GABRB2: variants seen among roughly 807,000 people sequenced by gnomAD.
GABRB2 encodes gamma-aminobutyric acid type A receptor subunit beta2, also known as gamma-aminobutyric acid receptor subunit beta-2.
In GABRB2, 16 loss-of-function variants were observed where a neutral mutation model predicts 54.7. The observed-to-expected ratio is 0.29, with a 90% CI of 0.20 to 0.44. The LOEUF is 0.44. Ranked by LOEUF, GABRB2 falls within the 20% of genes least tolerant of loss-of-function variation. GABRB2 has a pLI of 1.00. For synonymous variants in GABRB2, 244 were observed against 233.8 expected (o/e 1.04, Z -0.40); for missense variants, 355 against 644.0 (o/e 0.55, Z 4.86).
intron 4 of GABRB2, among the ~76,000 whole-genome samples, chr5:161,448,958 T>C (rs959132499): frequency 6.6e-6 from 1 of 152,306 alleles, no homozygotes; most frequent in East Asian, 1.9e-4. Context: ...AGAGCCATAT[T>C]CATCCATTAA....
At chr5:161,411,348 A>G (rs1456241351) in intron 4 of GABRB2, among the ~76,000 whole-genome samples, 1 of 152,114 alleles carries the variant, frequency 6.6e-6, no homozygotes, top group African/African-American at 2.4e-5. Context: ...TGTTGGGGAG[A>G]GGTGGAGTGG....
Position 161,288,748 on chromosome 5 carries a change from T to C in GABRB2, c.*5333A>G, listed in dbSNP as rs1420594205. The C allele has an allele frequency of 6.6e-6, 1 of 152,280 alleles. No individual in the cohort carries two copies. Among genetic ancestry groups the C allele is most frequent in the East Asian group, 1.9e-4 (1 of 5,194 alleles). The allele number at this position is 152,280 out of a possible 1,614,324, so 9.4% of individuals were successfully genotyped here. A position where few individuals can be genotyped will look rare whatever the true frequency, so the allele number is the denominator to read the frequency against. ...ATTAGTAAGGCTGATAATCACTACA[T>C]TGTGAAGAAACTAGAATATCACTTT... On this transcript the variant is annotated 3_prime_UTR_variant, in exon 10 of 10. Transcript: ENST00000393959.
intron 3 of GABRB2, among the ~76,000 whole-genome samples, chr5:161,471,418 G>A (rs1269923294): frequency 6.6e-6 from 1 of 152,008 alleles, no homozygotes; most frequent in Non-Finnish European, 1.5e-5. Flanking sequence ...CACGCCAGAT[G>A]TTCAATTGCA....
chr5:161,530,148 C>T (rs1760411720), intron 3 of GABRB2, among the ~76,000 whole-genome samples: 1 of 151,938 alleles, frequency 6.6e-6, no homozygotes, highest in African/African-American at 2.4e-5. Context: ...ACTAAAACAA[C>T]AACAAAACAG....
chr5:161,311,678 G>T (rs2113365562), intron 9 of GABRB2, among the ~76,000 whole-genome samples: 1 of 152,252 alleles, frequency 6.6e-6, no homozygotes, highest in Admixed American at 6.5e-5. Flanking sequence ...ACATTTCCTA[G>T]GATGGATCTT....
intron 3 of GABRB2, among the ~76,000 whole-genome samples, chr5:161,544,961 G>T (rs1441367800): frequency 6.6e-6 from 1 of 152,058 alleles, no homozygotes; most frequent in African/African-American, 2.4e-5. Flanking sequence ...TCTGTAGGGG[G>T]TCTCCTGCAC....
At chr5:161,502,631 G>C (rs755647323) in intron 3 of GABRB2, among the ~76,000 whole-genome samples, 5 of 152,164 alleles carry the variant, frequency 3.3e-5, no homozygotes, top group Non-Finnish European at 5.9e-5. Context: ...TTAGAGGAAA[G>C]AAACATGGGA....
intron 5 of GABRB2, among the ~76,000 whole-genome samples, chr5:161,349,170 A>G (rs892650967): frequency 7.9e-5 from 12 of 152,104 alleles, no homozygotes; most frequent in Admixed American, 2.6e-4. Context: ...AAAAGCCTTG[A>G]CCAATATTTA....
chr5:161,506,857 C>T (rs1008952042), intron 3 of GABRB2, among the ~76,000 whole-genome samples: 2 of 151,946 alleles, frequency 1.3e-5, no homozygotes, highest in African/African-American at 2.4e-5. Flanking sequence ...TCTTTGTAAA[C>T]AAATAATGTT....
chr5:161,512,776 A>T (rs1461024985), intron 3 of GABRB2, among the ~76,000 whole-genome samples: 1 of 152,034 alleles, frequency 6.6e-6, no homozygotes, highest in Non-Finnish European at 1.5e-5. Flanking sequence ...TAAACACATG[A>T]CCTACAGACT....
At chr5:161,478,000 A>G (rs1561664735) in intron 3 of GABRB2, among the ~76,000 whole-genome samples, 2 of 152,066 alleles carry the variant, frequency 1.3e-5, no homozygotes, top group Non-Finnish European at 2.9e-5. Flanking sequence ...CATTTTGCAA[A>G]GAAACCTTCA....
intron 9 of GABRB2, among the ~76,000 whole-genome samples, chr5:161,298,834 C>T (rs1273590800): frequency 6.6e-6 from 1 of 152,182 alleles, no homozygotes; most frequent in Non-Finnish European, 1.5e-5. Flanking sequence ...TTTCAGTTAT[C>T]CCAGTATCCC....
At chr5:161,402,539 A>AAAGTTAG (rs2113085288) in intron 5 of GABRB2, among the ~76,000 whole-genome samples, 1 of 152,326 alleles carries the variant, frequency 6.6e-6, no homozygotes. Flanking sequence ...AAAATGTAGA[A>AAAGTTAG]AAGTTAGAAT....
intron 4 of GABRB2, among the ~76,000 whole-genome samples, chr5:161,424,513 A>G (rs1236479417): frequency 2.6e-5 from 4 of 152,180 alleles, no homozygotes; most frequent in Admixed American, 2.6e-4. Flanking sequence ...CCAGGATAAT[A>G]GCACATCTGT....
chr5:161,360,849 C>T (rs1163077348), intron 5 of GABRB2, among the ~76,000 whole-genome samples: 1 of 151,228 alleles, frequency 6.6e-6, no homozygotes, highest in Non-Finnish European at 1.5e-5. Flanking sequence ...AAACCCAAAA[C>T]ATAACAATAC....
intron 3 of GABRB2, among the ~76,000 whole-genome samples, chr5:161,517,124 G>T (rs1306865950): frequency 1.3e-5 from 2 of 152,078 alleles, no homozygotes; most frequent in East Asian, 3.9e-4. Flanking sequence ...CACAATGAAG[G>T]TTATTATATA....
intron 3 of GABRB2, among the ~76,000 whole-genome samples, chr5:161,484,252 T>A (rs1351001380): frequency 1.3e-5 from 2 of 151,948 alleles, no homozygotes; most frequent in Admixed American, 6.6e-5. Flanking sequence ...GAGAGAGAGA[T>A]TTATTTTCTG....
At chr5:161,465,811 C>A (rs965006805) in intron 3 of GABRB2, among the ~76,000 whole-genome samples, 1 of 152,052 alleles carries the variant, frequency 6.6e-6, no homozygotes, top group East Asian at 1.9e-4. Flanking sequence ...TAGTTTGAAA[C>A]AAAAACTAGT....
chr5:161,344,697 A>T, intron 5 of GABRB2, among the ~76,000 whole-genome samples: 1 of 152,090 alleles, frequency 6.6e-6, no homozygotes, highest in Non-Finnish European at 1.5e-5. Context: ...ATTACTGAAT[A>T]TATACCCAAA....
Sources: allele counts gnomAD v4.1 joint callset (sites outside exome capture counted in the v4.1 genomes callset), GRCh38; gene constraint gnomAD v4.1.1; transcripts MANE v1.5; gene names NCBI Gene and HGNC (gene_info 2026-07-23, HGNC 2026-07-21).